Variants in KAZN observed in about 807,000 individuals in gnomAD.
KAZN encodes the protein kazrin, periplakin interacting protein.
Under a neutral mutation model 87.4 loss-of-function variants are expected in KAZN, and 40 were observed. That is an observed-to-expected ratio of 0.46 (90% CI 0.36 to 0.60). The LOEUF (loss-of-function observed/expected upper bound fraction) is 0.60. Ranked by LOEUF, KAZN falls within the 20% of genes least tolerant of loss-of-function variation. The probability of loss-of-function intolerance (pLI) is 0.00; values close to 1 mark genes in which losing one functional copy is unlikely to be tolerated. For synonymous variants in KAZN, 466 were observed against 458.3 expected (o/e 1.02, Z -0.22); for missense variants, 898 against 1,073.9 (o/e 0.84, Z 2.29).
intron 2 of KAZN, among the ~76,000 whole-genome samples, chr1:14,230,541 A>G (rs1453077101): frequency 6.6e-6 from 1 of 152,250 alleles, no homozygotes; most frequent in Middle Eastern, 3.4e-3. Context: ...TCGGAGTCCA[A>G]TCCCTGTGTG....
chr1:14,374,539 C>T (rs1255186324), intron 2 of KAZN, among the ~76,000 whole-genome samples: 1 of 152,144 alleles, frequency 6.6e-6, no homozygotes, highest in Non-Finnish European at 1.5e-5. Flanking sequence ...AAATAACGAG[C>T]CCTTTTTTTT....
At chr1:14,478,776 T>C (rs1041378693) in intron 2 of KAZN, among the ~76,000 whole-genome samples, 3 of 152,194 alleles carry the variant, frequency 2.0e-5, no homozygotes, top group Non-Finnish European at 4.4e-5. Context: ...TTGTCTCTTG[T>C]CCACTGTCAG....
chr1:14,583,395 A>T (rs537282116), intron 2 of KAZN, among the ~76,000 whole-genome samples: 64 of 152,332 alleles, frequency 4.2e-4, no homozygotes, highest in African/African-American at 1.5e-3. Context: ...CCTGCAATCC[A>T]GTTTCCTGCA....
At chr1:14,986,937 G>A (rs1666877909) in intron 2 of KAZN, among the ~76,000 whole-genome samples, 1 of 151,934 alleles carries the variant, frequency 6.6e-6, no homozygotes, top group African/African-American at 2.4e-5. Flanking sequence ...CACTCTGCCA[G>A]GTGTCAGGAA....
At chr1:14,714,854 G>A (rs532979650) in intron 1 of KAZN, among the ~76,000 whole-genome samples, 1 of 148,030 alleles carries the variant, frequency 6.8e-6, no homozygotes, top group South Asian at 2.1e-4. Context: ...GAGTGCAGTG[G>A]CACAATCACA....
intron 2 of KAZN, among the ~76,000 whole-genome samples, chr1:14,586,526 T>A (rs35124903): frequency 1.4e-5 from 1 of 72,726 alleles, no homozygotes; most frequent in South Asian, 4.2e-4. Flanking sequence ...TTCTTTCTGG[T>A]TTTTTTTTTT....
At chr1:14,273,445 C>T (rs1652108570) in intron 2 of KAZN, among the ~76,000 whole-genome samples, 1 of 152,010 alleles carries the variant, frequency 6.6e-6, no homozygotes, top group African/African-American at 2.4e-5. Context: ...TTTTAAATTG[C>T]TTATTTGTGT....
At chr1:14,960,422 C>CT (rs1357632640) in intron 1 of KAZN, among the ~76,000 whole-genome samples, 2 of 152,292 alleles carry the variant, frequency 1.3e-5, no homozygotes, top group Middle Eastern at 3.4e-3. Flanking sequence ...AGCGGACACT[C>CT]TGAGTGCAGG....
chr1:14,259,335 TC>T (rs1217953144), intron 2 of KAZN, among the ~76,000 whole-genome samples: 2 of 152,142 alleles, frequency 1.3e-5, no homozygotes, highest in East Asian at 3.9e-4. Flanking sequence ...TCCTTTCCCT[TC>T]CCCAATGGAG....
Position 14,957,511 on chromosome 1 carries a change from G to C in KAZN, c.227-3173G>C, listed in dbSNP as rs564072275. ...CGATTGGGCCCCGCTCTCGGATCCT[G>C]TGTCCACCAAGCACGCCGCTGGGGA... On this transcript the variant is annotated intron_variant, in intron 1 of 14. Coordinates refer to ENST00000376030, the MANE Select transcript of KAZN (RefSeq NM_201628.3). Among the ~76,000 whole-genome samples, 459 of 152,390 alleles carry C rather than the reference G, an allele frequency of 3.0e-3. 2 individuals are homozygous for C. Among genetic ancestry groups the C allele is most frequent in the Non-Finnish European group, 5.2e-3 (353 of 68,048 alleles).
At chr1:14,500,074 G>A (rs1380452927) in intron 2 of KAZN, among the ~76,000 whole-genome samples, 1 of 152,180 alleles carries the variant, frequency 6.6e-6, no homozygotes, top group African/African-American at 2.4e-5. Flanking sequence ...CATTGTGTTT[G>A]TAAAATATAA....
intron 2 of KAZN, among the ~76,000 whole-genome samples, chr1:14,536,719 T>C (rs563070074): frequency 5.3e-5 from 8 of 152,098 alleles, no homozygotes; most frequent in Non-Finnish European, 1.2e-4. Context: ...CTGTCTCTAC[T>C]AAAAATACAA....
At position 14,064,337 on chromosome 1, in the gene KAZN, T is replaced by A. The variant is rs528084968; in HGVS notation, c.92-116098T>A. Among the ~76,000 whole-genome samples the A allele has an allele frequency of 2.0e-5, 3 of 152,224 alleles. No individual in the cohort carries two copies. The East Asian group carries it at 5.8e-4, about 30-fold the overall frequency. ...TGACCCAGGGGAAGACAGTACATTT[T>A]GATTGGAAAACTGAAGTACCGTCAC... On this transcript the variant is annotated intron_variant, in intron 1 of 16. Coordinates refer to the KAZN transcript ENST00000636203.
At chr1:14,528,508 G>A (rs115771038) in intron 2 of KAZN, among the ~76,000 whole-genome samples, 291 of 152,034 alleles carry the variant, frequency 1.9e-3, no homozygotes, top group African/African-American at 6.5e-3. Flanking sequence ...CCCCCGACCA[G>A]TACAGTGGCT....
intron 1 of KAZN, among the ~76,000 whole-genome samples, chr1:14,770,088 G>T (rs1644981940): frequency 6.6e-6 from 1 of 152,172 alleles, no homozygotes; most frequent in Admixed American, 6.5e-5. Context: ...AGAAATCATG[G>T]GAAAGAGTGG....
intron 3 of KAZN, among the ~76,000 whole-genome samples, chr1:15,043,224 C>T (rs183512553): frequency 2.0e-4 from 30 of 152,328 alleles, no homozygotes; most frequent in Non-Finnish European, 3.2e-4. Flanking sequence ...CAATTGGGGT[C>T]GCTGGTGCCT....
intron 2 of KAZN, among the ~76,000 whole-genome samples, chr1:14,452,466 T>C (rs1667330112): frequency 6.6e-6 from 1 of 152,228 alleles, no homozygotes; most frequent in Non-Finnish European, 1.5e-5. Context: ...TATCAAAGCC[T>C]GGTCAATCTG....
At chr1:14,366,675 CCCA>C (rs1215122729) in intron 2 of KAZN, among the ~76,000 whole-genome samples, 4 of 152,184 alleles carry the variant, frequency 2.6e-5, no homozygotes, top group Non-Finnish European at 1.5e-5. Context: ...TAGAGGGGTG[CCCA>C]CCATCAATGA....
intron 1 of KAZN, among the ~76,000 whole-genome samples, chr1:14,681,800 C>T (rs1244818017): frequency 1.4e-5 from 2 of 147,440 alleles, no homozygotes; most frequent in Non-Finnish European, 3.0e-5. Context: ...CTGCCATTCT[C>T]CTGCCTCAGC....
Sources: gnomAD v4.1 joint callset for allele counts (sites outside exome capture counted in the v4.1 genomes callset) on GRCh38, gnomAD v4.1.1 for gene constraint, MANE v1.5 for transcripts, NCBI Gene and HGNC (gene_info 2026-07-23, HGNC 2026-07-21) for gene names.